Variants in PTPRD observed in about 807,000 individuals in gnomAD.
PTPRD encodes receptor-type tyrosine-protein phosphatase delta.
A neutral mutation model predicts 214.5 loss-of-function variants in PTPRD; 34 were observed. That is an observed-to-expected ratio of 0.16 (90% CI 0.12 to 0.21). PTPRD has a LOEUF of 0.21. PTPRD is among the 10% of genes least tolerant of loss of function. PTPRD has a pLI of 1.00. For missense variants in PTPRD, 2,545 were observed against 2,398.7 expected (o/e 1.06, Z -1.27); for synonymous variants, 1,128 against 845.7 (o/e 1.33, Z -5.79).
intron 4 of PTPRD, among the ~76,000 whole-genome samples, chr9:10,032,293 C>G (rs1210957955): frequency 6.6e-6 from 1 of 152,078 alleles, no homozygotes; most frequent in African/African-American, 2.4e-5. Flanking sequence ...AAAGACATTA[C>G]TAAGAAAAAA....
At chr9:8,526,065 AG>A (rs1444054389) in intron 17 of PTPRD, among the ~76,000 whole-genome samples, 1 of 152,082 alleles carries the variant, frequency 6.6e-6, no homozygotes, top group Non-Finnish European at 1.5e-5. Flanking sequence ...TTGACTTTTA[AG>A]ACATTAAGAG....
chr9:10,039,425 G>T (rs1378944685), intron 3 of PTPRD, among the ~76,000 whole-genome samples: 2 of 151,810 alleles, frequency 1.3e-5, no homozygotes, highest in African/African-American at 4.8e-5. Context: ...CAAAATGTAA[G>T]GTATATAAAT....
chr9:9,340,541 C>G (rs916173182), intron 9 of PTPRD, among the ~76,000 whole-genome samples: 2 of 152,156 alleles, frequency 1.3e-5, no homozygotes, highest in Non-Finnish European at 2.9e-5. Flanking sequence ...TTAATGGGAT[C>G]TATCCCCATG....
chr9:8,363,658 G>C lies in PTPRD; in HGVS notation c.4661+12278C>G, dbSNP rs765699799. On this transcript the variant is annotated intron_variant, in intron 39 of 45. Transcript: ENST00000381196. ...TTAACTGGGTGATCAGAATAGAGCA[G>C]TGAGAAAGAAATTAATAAGCCTTTG... Among the ~76,000 whole-genome samples the C allele has an allele frequency of 3.9e-5, 6 of 152,232 alleles. No homozygotes were observed. The South Asian group carries it at 1.2e-3, about 31-fold the overall frequency.
chr9:9,049,887 C>T (rs536142511), intron 10 of PTPRD, among the ~76,000 whole-genome samples: 63 of 152,298 alleles, frequency 4.1e-4, no homozygotes, highest in African/African-American at 1.4e-3. Flanking sequence ...AAGACCCCAA[C>T]TTTGAGATTA....
At chr9:8,452,848 A>G (rs1267587139) in intron 33 of PTPRD, among the ~76,000 whole-genome samples, 1 of 152,214 alleles carries the variant, frequency 6.6e-6, no homozygotes, top group Non-Finnish European at 1.5e-5. Context: ...AGAAAAAAAC[A>G]AAGAGAAGTT....
chr9:10,166,507 T>C (rs571370424), intron 3 of PTPRD, among the ~76,000 whole-genome samples: 27 of 152,108 alleles, frequency 1.8e-4, no homozygotes, highest in African/African-American at 5.8e-4. Flanking sequence ...CGCACAACCC[T>C]TTGTGTTCTA....
intron 6 of PTPRD, among the ~76,000 whole-genome samples, chr9:9,764,801 CAA>C (rs1364032068): frequency 3.9e-5 from 6 of 152,096 alleles, no homozygotes; most frequent in Non-Finnish European, 8.8e-5. Context: ...GGTCCAATTT[CAA>C]AGTCACGATC....
intron 3 of PTPRD, among the ~76,000 whole-genome samples, chr9:10,122,987 T>A (rs2098788622): frequency 6.6e-6 from 1 of 152,262 alleles, no homozygotes; most frequent in Non-Finnish European, 1.5e-5. Flanking sequence ...ACAACTATGC[T>A]TGCCTGAGTT....
intron 9 of PTPRD, among the ~76,000 whole-genome samples, chr9:9,266,255 TA>T: frequency 6.6e-6 from 1 of 151,414 alleles, no homozygotes; most frequent in Non-Finnish European, 1.5e-5. Flanking sequence ...CCTACATATA[TA>T]AAGCAAATAT....
intron 5 of PTPRD, among the ~76,000 whole-genome samples, chr9:9,918,497 C>T (rs1039987912): frequency 2.6e-5 from 4 of 151,710 alleles, no homozygotes; most frequent in African/African-American, 7.3e-5. Context: ...CAATCTGATT[C>T]GATTAAATCT....
At chr9:10,138,053 G>A (rs2098955263) in intron 3 of PTPRD, among the ~76,000 whole-genome samples, 1 of 151,946 alleles carries the variant, frequency 6.6e-6, no homozygotes, top group African/African-American at 2.4e-5. Context: ...GAGAAGCACT[G>A]AAGAAAATTG....
At chr9:9,554,111 T>C (rs1225909361) in intron 8 of PTPRD, among the ~76,000 whole-genome samples, 1 of 152,056 alleles carries the variant, frequency 6.6e-6, no homozygotes, top group African/African-American at 2.4e-5. Flanking sequence ...TGACAGTATT[T>C]CATGGGATAT....
rs1194987444 is a variant in PTPRD at position 9,955,521 on chromosome 9, G to GTTT, written c.-471-16914_-471-16912dup. ...GTTTTCGTTTTTTTTGTTTTGTTTT[G>GTTT]TTTTGTTTTTTTTTTTTTTTGAGAC... On this transcript the variant is annotated intron_variant, in intron 4 of 45. Transcript: ENST00000381196. Among the ~76,000 whole-genome samples, 874 of 145,100 alleles carry GTTT rather than the reference G, an allele frequency of 6.0e-3. 13 individuals carry two copies. The highest frequency in any genetic ancestry group is 0.022 in the African/African-American group (837 of 37,768).
chr9:9,498,583 G>T (rs112447245), intron 8 of PTPRD, among the ~76,000 whole-genome samples: 9 of 152,100 alleles, frequency 5.9e-5, no homozygotes, highest in African/African-American at 2.2e-4. Context: ...AGATTTACTG[G>T]GGTTGAGAAA....
intron 4 of PTPRD, among the ~76,000 whole-genome samples, chr9:9,974,102 C>T (rs945525559): frequency 8.5e-5 from 13 of 152,162 alleles, no homozygotes; most frequent in Non-Finnish European, 1.6e-4. Context: ...ATTAGGCTTG[C>T]TCAACATCTT....
chr9:8,339,189 AC>A (rs1849941462), intron 42 of PTPRD, 142 bp from the exon 43 acceptor site: 1 of 839,608 alleles, frequency 1.2e-6, no homozygotes, highest in Non-Finnish European at 1.7e-6. Context: ...ATTGCATATG[AC>A]TCATTTCCTC....
At chr9:10,495,523 G>A (rs2041795105) in intron 2 of PTPRD, among the ~76,000 whole-genome samples, 1 of 151,772 alleles carries the variant, frequency 6.6e-6, no homozygotes, top group Admixed American at 6.6e-5. Flanking sequence ...TGATAATAAT[G>A]TCTGATAACT....
chr9:8,557,455 T>TATATATATACAC, intron 14 of PTPRD, among the ~76,000 whole-genome samples: 1 of 135,640 alleles, frequency 7.4e-6, no homozygotes, highest in Admixed American at 7.1e-5. Context: ...TATATATATA[T>TATATATATACAC]ATTTGGGCCG....
Sources: allele counts gnomAD v4.1 joint callset (sites outside exome capture counted in the v4.1 genomes callset), GRCh38; gene constraint gnomAD v4.1.1; transcripts MANE v1.5; gene names NCBI Gene and HGNC (gene_info 2026-07-23, HGNC 2026-07-21).